The following FILIP1 variants were observed in gnomAD, a reference collection of about 807,000 sequenced individuals.
FILIP1 encodes filamin A interacting protein 1, also known as filamin-A-interacting protein 1.
A neutral mutation model predicts 102.1 loss-of-function variants in FILIP1; 61 were observed. That is an observed-to-expected ratio of 0.60 (90% CI 0.49 to 0.74). The LOEUF is 0.74. Among genes scored for constraint, FILIP1 ranks in the 30% least tolerant of loss-of-function variants. The pLI is 0.00. For synonymous variants in FILIP1, 491 were observed against 526.9 expected, an observed-to-expected ratio of 0.93 and a Z score of 0.93; for missense variants, 1,314 against 1,441.2, an observed-to-expected ratio of 0.91 and a Z score of 1.43.
downstream of FILIP1, among the ~76,000 whole-genome samples, chr6:75,306,815 T>C (rs1189702349): frequency 1.5e-5 from 2 of 131,972 alleles, no homozygotes; most frequent in Non-Finnish European, 3.3e-5. Context: ...TGCAGTGGCA[T>C]GATCTTGGCT....
At chr6:75,433,368 T>C (rs1777894396) in intron 1 of FILIP1, among the ~76,000 whole-genome samples, 1 of 152,222 alleles carries the variant, frequency 6.6e-6, no homozygotes, top group Non-Finnish European at 1.5e-5. Flanking sequence ...TGATCACCAT[T>C]CTAACTGGTG....
chr6:75,468,367 T>C (rs927710660), intron 1 of FILIP1, among the ~76,000 whole-genome samples: 1 of 152,216 alleles, frequency 6.6e-6, no homozygotes, highest in Non-Finnish European at 1.5e-5. Flanking sequence ...TAATTAATAA[T>C]GTCAGAAAAG....
At chr6:75,319,450 A>C in intron 4 of FILIP1, 1 of 612,820 alleles carries the variant, frequency 1.6e-6, no homozygotes, top group East Asian at 4.1e-5. Context: ...TTTCTCTTTC[A>C]TAATGGGCCT....
At chr6:75,384,668 G>C (rs1036345429) in intron 2 of FILIP1, among the ~76,000 whole-genome samples, 2 of 152,074 alleles carry the variant, frequency 1.3e-5, no homozygotes, top group Non-Finnish European at 2.9e-5. Flanking sequence ...GCATGAAATA[G>C]CATTGGGAAG....
intron 1 of FILIP1, among the ~76,000 whole-genome samples, chr6:75,474,855 G>A (rs1477316773): frequency 6.6e-6 from 1 of 152,088 alleles, no homozygotes; most frequent in Non-Finnish European, 1.5e-5. Flanking sequence ...CCTTGGTACT[G>A]TCCTTGCAAT....
chr6:75,391,432 T>C (rs73459741), intron 2 of FILIP1, among the ~76,000 whole-genome samples: 1,744 of 152,268 alleles, frequency 0.011, 39 homozygotes, highest in African/African-American at 0.04. Context: ...CATAACTTCT[T>C]CTGCCTTATC....
chr6:75,409,151 G>A (rs1297833714), intron 2 of FILIP1, among the ~76,000 whole-genome samples: 1 of 152,188 alleles, frequency 6.6e-6, no homozygotes, highest in Non-Finnish European at 1.5e-5. Flanking sequence ...AAAGGTCCTG[G>A]AGCCCAACTT....
chr6:75,344,263 C>T (rs1774507484), intron 4 of FILIP1, among the ~76,000 whole-genome samples: 1 of 152,108 alleles, frequency 6.6e-6, no homozygotes, highest in Non-Finnish European at 1.5e-5. Flanking sequence ...TAGCTGACCA[C>T]CATCAAACAG....
At chr6:75,424,393 T>A (rs968489180) in intron 1 of FILIP1, among the ~76,000 whole-genome samples, 8 of 152,182 alleles carry the variant, frequency 5.3e-5, no homozygotes, top group Non-Finnish European at 1.0e-4. Flanking sequence ...TAAGACCACA[T>A]TCTCTTTCCC....
chr6:75,475,060 A>G (rs886236723), intron 1 of FILIP1, among the ~76,000 whole-genome samples: 4 of 152,152 alleles, frequency 2.6e-5, no homozygotes, highest in Non-Finnish European at 5.9e-5. Flanking sequence ...CTGCAGAACC[A>G]TGAGCCAATT....
At chr6:75,362,011 A>G (rs1160819705) in intron 3 of FILIP1, 1 of 152,262 alleles carries the variant, frequency 6.6e-6, no homozygotes, top group Non-Finnish European at 1.5e-5. Context: ...TGTTAAACGT[A>G]TAGTAAGTTG....
At chr6:75,460,016 C>A (rs1010545712) in intron 1 of FILIP1, among the ~76,000 whole-genome samples, 1 of 152,172 alleles carries the variant, frequency 6.6e-6, no homozygotes, top group Admixed American at 6.5e-5. Flanking sequence ...AAGACTCCAA[C>A]AGAGCCAATA....
At chr6:75,362,344 CT>C (rs1421393322) in intron 3 of FILIP1, among the ~76,000 whole-genome samples, 1 of 152,148 alleles carries the variant, frequency 6.6e-6, no homozygotes, top group African/African-American at 2.4e-5. Flanking sequence ...AAAAAAGTGT[CT>C]TTATAACCAT....
At chr6:75,408,202 G>C (rs570772387) in intron 2 of FILIP1, among the ~76,000 whole-genome samples, 52 of 152,314 alleles carry the variant, frequency 3.4e-4, no homozygotes, top group African/African-American at 1.0e-3. Flanking sequence ...GTATAATAAT[G>C]GAAACCATCC....
chr6:75,372,761 A>AG (rs1280183776), intron 2 of FILIP1, among the ~76,000 whole-genome samples: 1 of 64,658 alleles, frequency 1.5e-5, no homozygotes. Flanking sequence ...AAAGAAAGAA[A>AG]GAAAGAAAGA....
At chr6:75,414,177 T>C (rs1325523417) in intron 2 of FILIP1, among the ~76,000 whole-genome samples, 2 of 151,300 alleles carry the variant, frequency 1.3e-5, no homozygotes, top group Admixed American at 6.6e-5. Flanking sequence ...TCAATTCCTA[T>C]GATGTTGTAG....
At chr6:75,385,255 T>C (rs1776049396) in intron 2 of FILIP1, among the ~76,000 whole-genome samples, 1 of 152,208 alleles carries the variant, frequency 6.6e-6, no homozygotes, top group African/African-American at 2.4e-5. Flanking sequence ...CTAGTAAATA[T>C]ATTGCAGTAA....
At chr6:75,355,131 C>T (rs1352227611) in intron 3 of FILIP1, among the ~76,000 whole-genome samples, 1 of 151,968 alleles carries the variant, frequency 6.6e-6, no homozygotes, top group African/African-American at 2.4e-5. Context: ...CCTGTCTCTA[C>T]TAAAAATACA....
At chr6:75,392,279 T>A (rs1228044769) in intron 2 of FILIP1, among the ~76,000 whole-genome samples, 1 of 152,162 alleles carries the variant, frequency 6.6e-6, no homozygotes, top group Non-Finnish European at 1.5e-5. Flanking sequence ...AGCATCTATA[T>A]ACATGTGACT....
Sources: allele counts gnomAD v4.1 joint callset (sites outside exome capture counted in the v4.1 genomes callset), GRCh38; gene constraint gnomAD v4.1.1; transcripts MANE v1.5; gene names NCBI Gene and HGNC (gene_info 2026-07-23, HGNC 2026-07-21).